Variants in ENY2 observed in about 807,000 individuals in gnomAD.
The protein encoded by ENY2 is ENY2 transcription and export complex 2 subunit.
A neutral mutation model predicts 15.9 loss-of-function variants in ENY2; 4 were observed. That is an observed-to-expected ratio of 0.25 (90% CI 0.12 to 0.57). The LOEUF is 0.57. Ranked by LOEUF, ENY2 falls within the 20% of genes least tolerant of loss-of-function variation. ENY2 has a pLI of 0.91. For missense variants in ENY2, 54 were observed against 117.2 expected (o/e 0.46, Z 2.49); for synonymous variants, 48 against 38.0 (o/e 1.26, Z -0.97).
At chr8:109,336,290 C>A in intron 2 of ENY2, 86 bp downstream of exon 2, 1 of 1,095,970 alleles carries the variant, frequency 9.1e-7, no homozygotes, top group Non-Finnish European at 1.3e-6. Context: ...TGAAACATGT[C>A]ACTGGAAAGA....
intron 4 of ENY2, chr8:109,342,589 C>T: frequency 1.6e-6 from 1 of 619,410 alleles, no homozygotes; most frequent in Non-Finnish European, 2.9e-6. Flanking sequence ...GGCTCACTAG[C>T]CCGGATCTCC....
At chr8:109,341,251 AGTT>A (rs556518893) in intron 4 of ENY2, among the ~76,000 whole-genome samples, 1 of 152,154 alleles carries the variant, frequency 6.6e-6, no homozygotes, top group Non-Finnish European at 1.5e-5. Context: ...AGATGGCCCA[AGTT>A]GTTTTCTCAC....
intron 1 of ENY2, 30 bp from the exon 2 acceptor site, chr8:109,336,098 C>G: frequency 6.2e-7 from 1 of 1,607,150 alleles, no homozygotes; most frequent in Non-Finnish European, 8.5e-7. Flanking sequence ...TGTAAATGTT[C>G]TATATCTGAA....
chr8:109,336,029 G>A (rs553058140), intron 1 of ENY2, 99 bp from the exon 2 acceptor site: 2 of 1,054,392 alleles, frequency 1.9e-6, no homozygotes, highest in African/African-American at 1.6e-5. Flanking sequence ...CACCCCTTCA[G>A]TTAATAGAAT....
chr8:109,339,282 A>G (rs1816064701), intron 2 of ENY2, 38 bp from the exon 3 acceptor site: 1 of 1,583,746 alleles, frequency 6.3e-7, no homozygotes, highest in South Asian at 1.1e-5. Flanking sequence ...CTAAGATGTT[A>G]TACATTGTTC....
rs1377864255 is a variant in ENY2, at chr8:109,343,777, G to C, written c.*296G>C. 2 of 249,202 alleles carry C rather than the reference G, an allele frequency of 8.0e-6. No homozygotes were observed. The highest frequency in any genetic ancestry group is 1.5e-5 in the Non-Finnish European group (2 of 130,786). The allele number at this position is 249,202 out of a possible 1,614,324, so 15.4% of individuals were successfully genotyped here. On this transcript the variant is annotated 3_prime_UTR_variant, in exon 5 of 5. Transcript: ENST00000521688. ...GTAGTTTAAGTATTTAGTATGTACAGTTCTCTGTGTTAACAGCTGAGAAGT... is the reference window on the plus strand; with the variant it reads ...GTAGTTTAAGTATTTAGTATGTACACTTCTCTGTGTTAACAGCTGAGAAGT...
chr8:109,339,589 C>T (rs1158054426), intron 3 of ENY2, 199 bp downstream of exon 3: 3 of 471,918 alleles, frequency 6.4e-6, no homozygotes, highest in Admixed American at 3.8e-5. Flanking sequence ...TTCTGTTAAG[C>T]GTGAGCACTT....
chr8:109,342,533 A>G (rs1249063133), intron 4 of ENY2, among the ~76,000 whole-genome samples: 1 of 144,468 alleles, frequency 6.9e-6, no homozygotes, highest in Non-Finnish European at 1.5e-5. Context: ...TTTTTGAGAT[A>G]GGATCTTGCT....
chr8:109,342,095 A>G (rs1330126388), intron 4 of ENY2, among the ~76,000 whole-genome samples: 1 of 151,698 alleles, frequency 6.6e-6, no homozygotes, highest in Non-Finnish European at 1.5e-5. Context: ...GAAATACTGA[A>G]CTGTATCTGA....
intron 1 of ENY2, 193 bp from the exon 2 acceptor site, chr8:109,335,932 AAGC>A: frequency 2.4e-6 from 1 of 417,140 alleles, no homozygotes; most frequent in Non-Finnish European, 4.2e-6. Context: ...GTTTAAAAAA[AAGC>A]AAACCCACAC....
chr8:109,334,385 G>C lies in ENY2; in HGVS notation c.-84G>C. On this transcript the variant is annotated 5_prime_UTR_variant, in exon 1 of 5. Coordinates refer to ENST00000521688, the MANE Select transcript of ENY2 (RefSeq NM_020189.6). ...CCCGAGCTACTGAGGGTCTAAGTCC[G>C]GGCAGCCGAAGAGTGTGGTAGGTAA... is the stretch of plus-strand genomic sequence containing the variant. The C allele has an allele frequency of 6.2e-7, 1 of 1,601,052 alleles. No individual in the cohort carries two copies. The highest frequency in any genetic ancestry group is 8.5e-7 in the Non-Finnish European group (1 of 1,171,218).
chr8:109,334,419 A>G lies in ENY2; in HGVS notation c.-50A>G. On this transcript the variant is annotated 5_prime_UTR_variant, in exon 1 of 5. Transcript: ENST00000521688. ...AAGAGTGTGGTAGGTAACGGTCCTC[A>G]GCGCAAGGGTCATTTCGTCGCTGGG... is the stretch of plus-strand genomic sequence containing the variant. The G allele has an allele frequency of 6.2e-7, 1 of 1,613,634 alleles. No homozygotes were observed. Among genetic ancestry groups the G allele is most frequent in the Non-Finnish European group, 8.5e-7 (1 of 1,179,812 alleles).
At chr8:109,337,625 C>T (rs1816016673) in intron 2 of ENY2, among the ~76,000 whole-genome samples, 3 of 152,082 alleles carry the variant, frequency 2.0e-5, no homozygotes, top group Non-Finnish European at 1.5e-5. Context: ...AGAAGGAGGC[C>T]GTGCATAGTG....
chr8:109,343,236 T>C (rs932629078), intron 4 of ENY2, among the ~76,000 whole-genome samples, 169 bp from the exon 5 acceptor site: 2 of 152,144 alleles, frequency 1.3e-5, no homozygotes, highest in African/African-American at 4.8e-5. Context: ...AATGATGAAT[T>C]GCAAGAAGAC....
chr8:109,343,521 A>C lies in ENY2; in HGVS notation c.*40A>C. The C allele has an allele frequency of 6.4e-7, 1 of 1,553,236 alleles. No individual in the cohort carries two copies. Among genetic ancestry groups the C allele is most frequent in the Non-Finnish European group, 8.7e-7 (1 of 1,143,378 alleles). On this transcript the variant is annotated 3_prime_UTR_variant, in exon 5 of 5. Coordinates refer to ENST00000521688, the MANE Select transcript of ENY2 (RefSeq NM_020189.6). The stretch of plus-strand genomic sequence containing the variant: ...GTGTTGTTGTGGTTTTATTTCTGAA[A>C]GTAAAACTTGCCATAAATTAGAAAA...
At chr8:109,342,918 A>C in intron 4 of ENY2, 1 of 481,526 alleles carries the variant, frequency 2.1e-6, no homozygotes, top group Non-Finnish European at 3.6e-6. Context: ...ATGTTCAAAA[A>C]CTCTCCTTTT....
intron 4 of ENY2, 137 bp from the exon 5 acceptor site, chr8:109,343,266 CTT>C (rs1816161138): frequency 1.7e-6 from 1 of 604,870 alleles, no homozygotes. Flanking sequence ...TGTCAGATAA[CTT>C]TACCTTTTTT....
At chr8:109,336,247 T>A in intron 2 of ENY2, 43 bp downstream of exon 2, 1 of 1,471,626 alleles carries the variant, frequency 6.8e-7, no homozygotes, top group Non-Finnish European at 9.4e-7. Context: ...TCACCGCCTT[T>A]AATAGTTAGC....
intron 4 of ENY2, 65 bp from the exon 5 acceptor site, chr8:109,343,340 G>A: frequency 7.8e-7 from 1 of 1,289,882 alleles, no homozygotes; most frequent in East Asian, 2.4e-5. Context: ...CAAAATGTCA[G>A]ATCTTAAATT....
Sources: gnomAD v4.1 joint callset for allele counts (sites outside exome capture counted in the v4.1 genomes callset) on GRCh38, gnomAD v4.1.1 for gene constraint, MANE v1.5 for transcripts, NCBI Gene and HGNC (gene_info 2026-07-23, HGNC 2026-07-21) for gene names.